PDE4D: variants seen among roughly 807,000 people sequenced by gnomAD.
PDE4D encodes the protein phosphodiesterase 4D.
Under a neutral mutation model 87.4 loss-of-function variants are expected in PDE4D, and 24 were observed. The ratio of observed to expected loss-of-function variants is 0.27; its 90% CI spans 0.20 to 0.39. PDE4D has a LOEUF of 0.39. PDE4D is among the 10% of genes least tolerant of loss of function. PDE4D has a pLI of 1.00. For synonymous variants in PDE4D, 384 were observed against 383.2 expected, an observed-to-expected ratio of 1.00 and a Z score of -0.02; for missense variants, 714 against 1,041.0, an observed-to-expected ratio of 0.69 and a Z score of 4.32.
intron 2 of PDE4D, among the ~76,000 whole-genome samples, chr5:60,044,367 T>TC (rs1562016026): frequency 2.5e-5 from 1 of 39,264 alleles, no homozygotes; most frequent in Non-Finnish European, 5.2e-5. Flanking sequence ...TAGTTTTTCC[T>TC]TTTTTTTATA....
intron 1 of PDE4D, among the ~76,000 whole-genome samples, chr5:59,864,303 T>C (rs921516619): frequency 6.6e-6 from 1 of 152,156 alleles, no homozygotes; most frequent in Non-Finnish European, 1.5e-5. Flanking sequence ...CCACACAAGT[T>C]CAAAAATATG....
intron 1 of PDE4D, among the ~76,000 whole-genome samples, chr5:60,520,755 T>C (rs1234743000): frequency 6.6e-6 from 1 of 152,254 alleles, no homozygotes; most frequent in Non-Finnish European, 1.5e-5. Context: ...CCCACGGCCC[T>C]GGCCCAGGAG....
intron 1 of PDE4D, among the ~76,000 whole-genome samples, chr5:59,663,797 T>C (rs1313100590): frequency 1.3e-5 from 2 of 152,140 alleles, no homozygotes; most frequent in Non-Finnish European, 2.9e-5. Context: ...AGACAGAAAG[T>C]ATCAAAATAT....
intron 2 of PDE4D, among the ~76,000 whole-genome samples, chr5:60,019,919 G>C (rs1009617814): frequency 7.9e-5 from 12 of 151,148 alleles, no homozygotes; most frequent in African/African-American, 2.9e-4. Flanking sequence ...TTCACAACTT[G>C]GATAGCTGCT....
chr5:60,176,901 T>C (rs1783955521), intron 2 of PDE4D, among the ~76,000 whole-genome samples: 1 of 152,108 alleles, frequency 6.6e-6, no homozygotes, highest in Non-Finnish European at 1.5e-5. Context: ...CTCCTGGCTT[T>C]CCTGGAGTAA....
intron 1 of PDE4D, among the ~76,000 whole-genome samples, chr5:59,693,135 TTG>T (rs1432193118): frequency 7.0e-6 from 1 of 143,720 alleles, no homozygotes; most frequent in Non-Finnish European, 1.6e-5. Context: ...GACCCTGAAA[TTG>T]TATATGTTTT....
intron 1 of PDE4D, among the ~76,000 whole-genome samples, chr5:59,664,716 T>A (rs1405883560): frequency 6.6e-6 from 1 of 152,162 alleles, no homozygotes; most frequent in Non-Finnish European, 1.5e-5. Context: ...TCAGAAAATA[T>A]TTAAGGACAG....
intron 2 of PDE4D, among the ~76,000 whole-genome samples, chr5:60,079,524 C>T (rs557378735): frequency 6.6e-6 from 1 of 152,254 alleles, no homozygotes; most frequent in Admixed American, 6.5e-5. Context: ...ACATTTAAGT[C>T]TTTAATCCAT....
At chr5:59,270,629 T>G (rs966779378) in intron 1 of PDE4D, among the ~76,000 whole-genome samples, 1 of 152,148 alleles carries the variant, frequency 6.6e-6, no homozygotes, top group East Asian at 1.9e-4. Context: ...CAACCAACAG[T>G]CTTTCACAAA....
intron 1 of PDE4D, among the ~76,000 whole-genome samples, chr5:60,345,217 A>G (rs57177718): frequency 0.1 from 15,845 of 151,740 alleles, 1,638 homozygotes; most frequent in African/African-American, 0.27. Flanking sequence ...AACACCACAT[A>G]TTCTCACTCA....
intron 2 of PDE4D, among the ~76,000 whole-genome samples, chr5:60,019,350 C>T (rs771164556): frequency 3.3e-5 from 5 of 152,140 alleles, no homozygotes; most frequent in Admixed American, 6.5e-5. Flanking sequence ...AATTTAAAGT[C>T]GCCAGCTGCA....
At chr5:59,850,489 TAGTC>T (rs1215354447) in intron 1 of PDE4D, among the ~76,000 whole-genome samples, 1 of 152,094 alleles carries the variant, frequency 6.6e-6, no homozygotes, top group African/African-American at 2.4e-5. Context: ...AGGACTTGCA[TAGTC>T]ACTATTATCT....
chr5:59,659,543 T>G (rs927020537), intron 1 of PDE4D, among the ~76,000 whole-genome samples: 5 of 152,226 alleles, frequency 3.3e-5, no homozygotes, highest in African/African-American at 1.2e-4. Flanking sequence ...AATTATGTCA[T>G]AAGAAGAGAT....
At chr5:59,347,163 C>T (rs1370209797) in intron 1 of PDE4D, among the ~76,000 whole-genome samples, 1 of 152,124 alleles carries the variant, frequency 6.6e-6, no homozygotes, top group Non-Finnish European at 1.5e-5. Context: ...CTAAACACTG[C>T]CATTATGTGA....
At chr5:59,519,282 A>G (rs993658861) in intron 1 of PDE4D, among the ~76,000 whole-genome samples, 1 of 152,246 alleles carries the variant, frequency 6.6e-6, no homozygotes, top group Non-Finnish European at 1.5e-5. Context: ...AAAGCAGTCA[A>G]TAAACAGATA....
intron 13 of PDE4D, 83 bp downstream of exon 13, chr5:58,976,267 A>G: frequency 7.2e-7 from 1 of 1,395,852 alleles, no homozygotes; most frequent in Non-Finnish European, 9.6e-7. Flanking sequence ...AGGAAGAAAT[A>G]CATCTTATCA....
At chr5:60,226,303 A>C (rs1745095379) in intron 1 of PDE4D, among the ~76,000 whole-genome samples, 1 of 152,072 alleles carries the variant, frequency 6.6e-6, no homozygotes, top group Non-Finnish European at 1.5e-5. Flanking sequence ...TAACTTCCTA[A>C]TTCCCAGTTG....
chr5:60,087,044 T>C (rs1562075909), intron 2 of PDE4D, among the ~76,000 whole-genome samples: 1 of 152,222 alleles, frequency 6.6e-6, no homozygotes, highest in African/African-American at 2.4e-5. Context: ...CTCACCTGTC[T>C]TTACCAGACT....
chr5:59,562,773 A>C (rs1820250404), intron 1 of PDE4D, among the ~76,000 whole-genome samples: 1 of 152,150 alleles, frequency 6.6e-6, no homozygotes. Context: ...AACTGATAAC[A>C]GTGGCCAAGA....
Sources: allele counts gnomAD v4.1 joint callset (sites outside exome capture counted in the v4.1 genomes callset), GRCh38; gene constraint gnomAD v4.1.1; transcripts MANE v1.5; gene names NCBI Gene and HGNC (gene_info 2026-07-23, HGNC 2026-07-21).